The following ATP10B variants were observed in gnomAD, a reference collection of about 807,000 sequenced individuals.
ATP10B encodes the protein phospholipid-transporting ATPase VB.
ATP10B carries 122 observed loss-of-function variants against 141.2 expected under a neutral mutation model. The ratio of observed to expected loss-of-function variants is 0.86; its 90% CI spans 0.75 to 1.00. The LOEUF (loss-of-function observed/expected upper bound fraction) is 1.00. Among genes scored for constraint, ATP10B ranks in the 50% least tolerant of loss-of-function variants. ATP10B has a pLI of 0.00. For synonymous variants in ATP10B, 685 were observed against 692.0 expected, an observed-to-expected ratio of 0.99 and a Z score of 0.16; for missense variants, 1,876 against 1,825.3, an observed-to-expected ratio of 1.03 and a Z score of -0.51.
chr5:160,921,577 T>G, the ATP10B span, among the ~76,000 whole-genome samples: 1 of 152,252 alleles, frequency 6.6e-6, no homozygotes, highest in African/African-American at 2.4e-5. Context: ...CTAGAGTTTA[T>G]ACATGTTGCT....
At chr5:160,671,181 A>C (rs1273079696) in intron 6 of ATP10B, among the ~76,000 whole-genome samples, 1 of 151,068 alleles carries the variant, frequency 6.6e-6, no homozygotes, top group South Asian at 2.1e-4. Flanking sequence ...AAAAAAAAAA[A>C]AAAAAAAAAA....
the ATP10B span, among the ~76,000 whole-genome samples, chr5:160,868,638 C>T: frequency 6.6e-6 from 1 of 151,766 alleles, no homozygotes; most frequent in Non-Finnish European, 1.5e-5. Context: ...AGAAAAGTCT[C>T]TCTTTCCTGG....
chr5:160,737,980 T>C (rs1014590012), intron 2 of ATP10B, among the ~76,000 whole-genome samples: 2 of 152,122 alleles, frequency 1.3e-5, no homozygotes. Context: ...TGTAGACATA[T>C]AACCTAACAA....
the ATP10B span, among the ~76,000 whole-genome samples, chr5:160,876,939 C>A: frequency 7.1e-6 from 1 of 141,138 alleles, no homozygotes; most frequent in African/African-American, 2.5e-5. Flanking sequence ...GATTCACAGC[C>A]GAATTCTACC....
intron 2 of ATP10B, among the ~76,000 whole-genome samples, chr5:160,748,031 G>A (rs553016087): frequency 2.0e-4 from 31 of 151,288 alleles, no homozygotes; most frequent in South Asian, 1.0e-3. Flanking sequence ...CCGGGGTTGT[G>A]GCGGGGAGCG....
rs1321729040 is a variant in ATP10B at position 160,564,998 on chromosome 5, T to C, written c.*455A>G. Reference sequence around the variant, plus strand: ...CTGCAATACACTTGAGATGAAGCCCTTATGTGCACAAGTCTCTTCTGAAAC... The same window carrying C: ...CTGCAATACACTTGAGATGAAGCCCCTATGTGCACAAGTCTCTTCTGAAAC... On this transcript the variant is annotated 3_prime_UTR_variant, in exon 26 of 26. Transcript: ENST00000327245. The C allele has an allele frequency of 6.2e-6, 1 of 160,938 alleles. No individual in the cohort carries two copies. Among genetic ancestry groups the C allele is most frequent in the Non-Finnish European group, 1.4e-5 (1 of 73,386 alleles). The allele number at this position is 160,938 out of a possible 1,614,324, so 10.0% of individuals were successfully genotyped here.
At chr5:160,599,859 A>C (rs1183900464) in intron 21 of ATP10B, among the ~76,000 whole-genome samples, 2 of 152,198 alleles carry the variant, frequency 1.3e-5, no homozygotes, top group Admixed American at 1.3e-4. Flanking sequence ...TGGAGTTAGA[A>C]CTAGAACTTC....
At chr5:160,579,628 T>C (rs1478144884) in intron 24 of ATP10B, among the ~76,000 whole-genome samples, 12 of 152,204 alleles carry the variant, frequency 7.9e-5, no homozygotes, top group Admixed American at 7.9e-4. Context: ...GTTTTTTGCT[T>C]AGCATTGTCT....
intron 3 of ATP10B, among the ~76,000 whole-genome samples, chr5:160,692,125 CG>C (rs1764109018): frequency 6.6e-6 from 1 of 152,052 alleles, no homozygotes; most frequent in African/African-American, 2.4e-5. Context: ...TAGTTATTTT[CG>C]GTGGAGTAGG....
rs189975091 is a variant in ATP10B at position 160,788,769 on chromosome 5, G to T, written c.-575-2966C>A. On this transcript the variant is annotated intron_variant, in intron 1 of 25. Coordinates refer to ENST00000327245, the MANE Select transcript of ATP10B (RefSeq NM_025153.3). ...GGGTAAGGCACTGTGCTGACTAGTT[G>T]TGTGCCTAAGGATAAATAAATCCCT... Among the ~76,000 whole-genome samples the T allele has an allele frequency of 8.5e-5, 13 of 152,232 alleles. No homozygotes were observed. In the East Asian group the frequency reaches 2.3e-3, roughly 27 times the overall value.
chr5:160,595,452 A>G (rs868443069), intron 22 of ATP10B, among the ~76,000 whole-genome samples: 79 of 152,274 alleles, frequency 5.2e-4, no homozygotes, highest in African/African-American at 1.9e-3. Context: ...AAGATCTAAA[A>G]TTGACACCCT....
intron 18 of ATP10B, among the ~76,000 whole-genome samples, chr5:160,608,462 G>C (rs534304717): frequency 1.3e-5 from 2 of 152,222 alleles, no homozygotes; most frequent in South Asian, 4.2e-4. Flanking sequence ...GGATGTCTGG[G>C]TCAAATGGTA....
intron 24 of ATP10B, among the ~76,000 whole-genome samples, chr5:160,585,200 A>G (rs12523138): frequency 0.68 from 102,721 of 152,102 alleles, 35,771 homozygotes; most frequent in East Asian, 0.84. Flanking sequence ...ATAAGCTCCC[A>G]AAACTACATT....
At chr5:160,699,909 T>C (rs1764582160) in intron 3 of ATP10B, among the ~76,000 whole-genome samples, 2 of 152,144 alleles carry the variant, frequency 1.3e-5, no homozygotes, top group South Asian at 2.1e-4. Flanking sequence ...TATAATATAA[T>C]ATAATGTCCT....
At chr5:160,641,425 A>G (rs893677812) in intron 9 of ATP10B, among the ~76,000 whole-genome samples, 2 of 152,206 alleles carry the variant, frequency 1.3e-5, no homozygotes, top group African/African-American at 4.8e-5. Flanking sequence ...AGTTTTGCAT[A>G]CAATTTTGGT....
Position 160,782,666 on chromosome 5 carries a change from G to T in ATP10B, c.-331+2893C>A, listed in dbSNP as rs114970120. On this transcript the variant is annotated intron_variant, in intron 2 of 25. Transcript: ENST00000327245. ...ATATCTCTGTGCAGAAGAATGTTTTGATGTAATTAAAAATAGTGATGATAT... is the reference window on the plus strand; with the variant it reads ...ATATCTCTGTGCAGAAGAATGTTTTTATGTAATTAAAAATAGTGATGATAT... 5.8e-3 allele frequency among the ~76,000 whole-genome samples: 888 copies of T among 152,172 alleles called. 7 individuals are homozygous for T. Among genetic ancestry groups the T allele is most frequent in the African/African-American group, 0.019 (803 of 41,514 alleles).
chr5:160,856,640 T>C (rs933962155), upstream of ATP10B, among the ~76,000 whole-genome samples: 1 of 151,822 alleles, frequency 6.6e-6, no homozygotes, highest in Non-Finnish European at 1.5e-5. Context: ...AGCTGTATAT[T>C]GTATGTAGAT....
At chr5:160,881,372 G>A in the ATP10B span, among the ~76,000 whole-genome samples, 1 of 152,150 alleles carries the variant, frequency 6.6e-6, no homozygotes, top group Non-Finnish European at 1.5e-5. Flanking sequence ...TGCTTAAGAA[G>A]ACAGTTTGGT....
intron 6 of ATP10B, chr5:160,685,243 A>G: frequency 1.8e-6 from 1 of 557,128 alleles, no homozygotes; most frequent in Non-Finnish European, 3.2e-6. Context: ...TTGTCTTTTT[A>G]ATTCTCATAA....
Sources: allele counts gnomAD v4.1 joint callset (sites outside exome capture counted in the v4.1 genomes callset), GRCh38; gene constraint gnomAD v4.1.1; transcripts MANE v1.5; gene names NCBI Gene and HGNC (gene_info 2026-07-23, HGNC 2026-07-21).